The following MCC variants were observed in gnomAD, a reference collection of about 807,000 sequenced individuals.
MCC encodes the protein colorectal mutant cancer protein.
Under a neutral mutation model 116.2 loss-of-function variants are expected in MCC, and 90 were observed. That is an observed-to-expected ratio of 0.77 (90% CI 0.65 to 0.92). The LOEUF is 0.92. Among genes scored for constraint, MCC ranks in the 40% least tolerant of loss-of-function variants. MCC has a pLI of 0.00. For missense variants in MCC, 1,516 were observed against 1,312.2 expected (o/e 1.16, Z -2.40); for synonymous variants, 578 against 510.5 (o/e 1.13, Z -1.78).
intron 3 of MCC, among the ~76,000 whole-genome samples, chr5:113,181,931 C>G (rs1761649924): frequency 1.3e-5 from 2 of 152,132 alleles, no homozygotes; most frequent in South Asian, 4.2e-4. Context: ...CCAAGGACCC[C>G]ATTCCCTATC....
At chr5:113,321,206 G>C (rs960546841) in intron 3 of MCC, among the ~76,000 whole-genome samples, 2 of 152,108 alleles carry the variant, frequency 1.3e-5, no homozygotes, top group African/African-American at 4.8e-5. Flanking sequence ...TTAATTTGAA[G>C]TCTAGAAATA....
At chr5:113,266,787 A>C (rs548363138) in intron 3 of MCC, among the ~76,000 whole-genome samples, 150 of 151,862 alleles carry the variant, frequency 9.9e-4, no homozygotes, top group Non-Finnish European at 1.6e-3. Flanking sequence ...ACCTCCCTCC[A>C]TATGGACAAA....
At chr5:113,427,844 T>C (rs767714474) in intron 1 of MCC, among the ~76,000 whole-genome samples, 1 of 152,178 alleles carries the variant, frequency 6.6e-6, no homozygotes, top group Non-Finnish European at 1.5e-5. Flanking sequence ...GGAACATTCA[T>C]ACAAAAGTGA....
chr5:113,432,487 G>GAAT (rs1236209692), intron 1 of MCC: 2 of 148,820 alleles, frequency 1.3e-5, no homozygotes, highest in Non-Finnish European at 3.0e-5. Context: ...TATAAAATGG[G>GAAT]AATAATAATA....
At chr5:113,479,692 T>C (rs181335371) in intron 1 of MCC, among the ~76,000 whole-genome samples, 2 of 152,316 alleles carry the variant, frequency 1.3e-5, no homozygotes, top group East Asian at 3.9e-4. Flanking sequence ...TTTTGACTTA[T>C]CTTGGTAGGC....
intron 3 of MCC, among the ~76,000 whole-genome samples, chr5:113,232,748 A>C (rs2150335232): frequency 6.6e-6 from 1 of 152,282 alleles, no homozygotes; most frequent in Non-Finnish European, 1.5e-5. Context: ...ATGAGGCAGA[A>C]CTTTCATACG....
chr5:113,033,280 G>T (rs771294092), intron 17 of MCC, among the ~76,000 whole-genome samples: 3 of 152,330 alleles, frequency 2.0e-5, no homozygotes, highest in East Asian at 1.9e-4. Context: ...AGGGACTGGC[G>T]TAAGGCAGAA....
intron 3 of MCC, among the ~76,000 whole-genome samples, chr5:113,225,960 G>T (rs746910487): frequency 8.5e-5 from 13 of 152,242 alleles, no homozygotes; most frequent in Non-Finnish European, 1.6e-4. Context: ...ATCACTTGAG[G>T]CCAGGGGTTC....
At chr5:113,375,099 T>A (rs1206701129) in intron 2 of MCC, among the ~76,000 whole-genome samples, 2 of 152,156 alleles carry the variant, frequency 1.3e-5, no homozygotes, top group Non-Finnish European at 2.9e-5. Context: ...TAACTCGGTA[T>A]GATGCACAGG....
intron 3 of MCC, among the ~76,000 whole-genome samples, chr5:113,255,758 G>A (rs79143764): frequency 0.11 from 16,462 of 152,176 alleles, 1,415 homozygotes; most frequent in Admixed American, 0.25. Flanking sequence ...CTGTGGTTAC[G>A]TGGGACACTA....
At chr5:113,057,966 G>A (rs973326780) in intron 14 of MCC, among the ~76,000 whole-genome samples, 3 of 152,240 alleles carry the variant, frequency 2.0e-5, no homozygotes, top group African/African-American at 7.2e-5. Flanking sequence ...AGTTACTTGG[G>A]AGGTTTCAGG....
intron 2 of MCC, among the ~76,000 whole-genome samples, chr5:113,344,506 C>G (rs1449871273): frequency 6.6e-6 from 1 of 151,704 alleles, no homozygotes; most frequent in East Asian, 2.0e-4. Context: ...GGCATCACAG[C>G]TTGCAGCAAA....
At chr5:113,346,612 AAACAAC>A (rs142810210) in intron 2 of MCC, among the ~76,000 whole-genome samples, 36 of 127,426 alleles carry the variant, frequency 2.8e-4, no homozygotes, top group African/African-American at 8.6e-4. Flanking sequence ...AAAAACAAAC[AAACAAC>A]AACAACAACA....
intron 6 of MCC, among the ~76,000 whole-genome samples, chr5:113,106,446 C>A (rs933625086): frequency 7.9e-5 from 12 of 152,120 alleles, no homozygotes; most frequent in Admixed American, 1.3e-4. Context: ...TTCTTTTTTC[C>A]CCCTGGAATA....
In MCC at chr5:113,122,777, G is replaced by A; in HGVS notation, c.934C>T (p.His312Tyr). The change falls in exon 6 of 19, where the codon CAC becomes TAC. Residue 312 changes from histidine (H) to tyrosine (Y), a missense_variant. His to Tyr is a moderately conservative substitution (Grantham distance 83). Transcript: ENST00000408903. ...CTTCGAGAGTCCTCGTTGACCTCGTGTTGGCTCTGGCTGAGTTCTGATCGC... is the reference window on the plus strand; with the variant it reads ...CTTCGAGAGTCCTCGTTGACCTCGTATTGGCTCTGGCTGAGTTCTGATCGC... ...ELRSELSQSQ[H>Y]EVNEDSRSMD... 6.2e-7 allele frequency: 1 copy of A among 1,614,176 alleles called. No homozygotes were observed. The highest frequency in any genetic ancestry group is 8.5e-7 in the Non-Finnish European group (1 of 1,180,010).
chr5:113,039,714 C>T (rs1174681908), intron 17 of MCC, among the ~76,000 whole-genome samples: 10 of 145,884 alleles, frequency 6.9e-5, no homozygotes, highest in Non-Finnish European at 1.4e-4. Flanking sequence ...ACTCCGCGCC[C>T]CCCCCCCCAA....
At chr5:113,160,733 G>A (rs1760437870) in intron 3 of MCC, among the ~76,000 whole-genome samples, 2 of 152,204 alleles carry the variant, frequency 1.3e-5, no homozygotes. Context: ...ATTAGCATGG[G>A]GGATAGACAG....
At chr5:113,460,647 T>C (rs1771718828) in intron 1 of MCC, among the ~76,000 whole-genome samples, 2 of 152,188 alleles carry the variant, frequency 1.3e-5, no homozygotes, top group South Asian at 2.1e-4. Context: ...CATCAAAAGA[T>C]GCTCACAGAG....
At chr5:113,277,686 G>T (rs1325342095) in intron 3 of MCC, among the ~76,000 whole-genome samples, 1 of 152,150 alleles carries the variant, frequency 6.6e-6, no homozygotes, top group Non-Finnish European at 1.5e-5. Context: ...ACAGACTATG[G>T]TCCTTTCATC....
Sources: allele counts gnomAD v4.1 joint callset (sites outside exome capture counted in the v4.1 genomes callset), GRCh38; gene constraint gnomAD v4.1.1; transcripts MANE v1.5; gene names NCBI Gene and HGNC (gene_info 2026-07-23, HGNC 2026-07-21).